Variants in MYH9 observed in about 807,000 individuals in gnomAD.
MYH9 encodes myosin-9.
Under a neutral mutation model 241.9 loss-of-function variants are expected in MYH9, and 29 were observed. That is an observed-to-expected ratio of 0.12 (90% confidence interval 0.09 to 0.16). MYH9 has a LOEUF of 0.16. Among genes scored for constraint, MYH9 ranks in the 10% least tolerant of loss-of-function variants. The probability of loss-of-function intolerance (pLI) is 1.00; values close to 1 mark genes in which losing one functional copy is unlikely to be tolerated. For missense variants in MYH9, 1,803 were observed against 2,595.5 expected, an observed-to-expected ratio of 0.69 and a Z score of 6.63; for synonymous variants, 1,047 against 1,062.6, an observed-to-expected ratio of 0.99 and a Z score of 0.29.
chr22:36,312,464 C>A (rs2017080601), intron 13 of MYH9, among the ~76,000 whole-genome samples: 1 of 152,204 alleles, frequency 6.6e-6, no homozygotes, highest in Non-Finnish European at 1.5e-5. Context: ...ATTAGTGAAA[C>A]CCTCAGTGGG....
rs536874360 is a variant in MYH9 at position 36,370,698 on chromosome 22, G to A, written c.-20+17109C>T. Among the ~76,000 whole-genome samples the A allele has an allele frequency of 2.7e-3, 404 of 152,324 alleles. 2 individuals are homozygous for A. Among genetic ancestry groups the A allele is most frequent in the African/African-American group, 9.3e-3 (385 of 41,572 alleles). On this transcript the variant is annotated intron_variant, in intron 1 of 40. Transcript: ENST00000216181. ...GAGGAGCCACCTCCAAGAACAATTG[G>A]CTCACAGGCACTGGGCAGAAGGCAG...
At position 36,306,104 on chromosome 22, in the gene MYH9, G is replaced by T; in HGVS notation, c.2038-53C>A. The T allele has an allele frequency of 6.2e-7, 1 of 1,608,762 alleles. No individual in the cohort carries two copies. The highest frequency in any genetic ancestry group is 8.5e-7 in the Non-Finnish European group (1 of 1,179,896). On this transcript the variant is annotated intron_variant, in intron 16 of 40. Coordinates refer to ENST00000216181, the MANE Select transcript of MYH9 (RefSeq NM_002473.6). This position sits in a 1 kb window ranked among gnomAD's most constrained non-coding sequence, Gnocchi z 4.1. ...CTCACTTCCGTGCCTAGAACAGTCG[G>T]AGAATAGTCAGGGAACCCCTATGAA...
chr22:36,379,985 C>T (rs1446893462), intron 1 of MYH9, among the ~76,000 whole-genome samples: 2 of 152,246 alleles, frequency 1.3e-5, no homozygotes, highest in African/African-American at 4.8e-5. Flanking sequence ...TCCCCTCCTG[C>T]CTCCCAAATA....
rs555826193 is a variant in MYH9, at chr22:36,329,488, C to G, written c.491-2000G>C. The stretch of plus-strand genomic sequence containing the variant: ...GTCATCCCAGCCCCCTGCCCTCCCC[C>G]ACTGCGTCTCCCTGTGGTCTGCCCC... On this transcript the variant is annotated intron_variant, in intron 3 of 40. Transcript: ENST00000216181. The surrounding 1 kb of genome is among the most constrained non-coding windows in gnomAD (Gnocchi z 4.1). Among the ~76,000 whole-genome samples, 280 of 152,344 alleles carry G rather than the reference C, an allele frequency of 1.8e-3. 1 individual carries two copies. The highest frequency in any genetic ancestry group is 2.9e-3 in the South Asian group (14 of 4,824).
intron 15 of MYH9, chr22:36,308,718 G>GA (rs1255554477): frequency 1.3e-6 from 1 of 750,976 alleles, no homozygotes; most frequent in Non-Finnish European, 1.6e-6. Context: ...CAAGGCAAGG[G>GA]GGGGCGCGAG....
intron 13 of MYH9, among the ~76,000 whole-genome samples, chr22:36,312,887 T>C (rs1603483293): frequency 6.6e-6 from 1 of 150,718 alleles, no homozygotes; most frequent in Admixed American, 6.6e-5. Context: ...GGCGGGCGGA[T>C]CACCTAAGGT....
chr22:36,312,470 G>A (rs2017080647), intron 13 of MYH9, among the ~76,000 whole-genome samples: 1 of 152,220 alleles, frequency 6.6e-6, no homozygotes, highest in Non-Finnish European at 1.5e-5. Flanking sequence ...GAAACCCTCA[G>A]TGGGTCTGAT....
rs549078618 is a variant in MYH9, at chr22:36,380,064, C to T, written c.-20+7743G>A. Among the ~76,000 whole-genome samples, 49 of 152,338 alleles carry T rather than the reference C, an allele frequency of 3.2e-4. 1 individual carries two copies. In the East Asian group the frequency reaches 8.1e-3, roughly 25 times the overall value. On this transcript the variant is annotated intron_variant, in intron 1 of 40. Coordinates refer to ENST00000216181, the MANE Select transcript of MYH9 (RefSeq NM_002473.6). ...TACAGGCCGCCCGCCCATGCAGTGG[C>T]GGTCCCATTTTAGAGCCAGTCTCAT...
intron 13 of MYH9, among the ~76,000 whole-genome samples, chr22:36,313,485 C>G (rs1042127426): frequency 2.2e-5 from 3 of 135,940 alleles, no homozygotes; most frequent in African/African-American, 7.6e-5. Flanking sequence ...GAAGAAAACC[C>G]AGACACAGGA....
Position 36,286,723 on chromosome 22 carries a change from G to A in MYH9, c.5056C>T (p.Gln1686Ter). Residue 1686 changes from glutamine (Q) to a stop codon, truncating the protein, a stop_gained, in exon 35 of 41, where the codon CAG (glutamine) becomes TAG (stop). Transcript: ENST00000216181. LOFTEE classifies it high-confidence loss of function. ...TCCATTGCAGCCCCACCCACCTCCT[G>A]CAACTGGATCATCTCGGCCTCCATG... ...KSMEAEMIQL[Q>*]EELAAAERAK... 6.2e-7 allele frequency: 1 copy of A among 1,612,544 alleles called. No individual in the cohort carries two copies. Among genetic ancestry groups the A allele is most frequent in the Non-Finnish European group, 8.5e-7 (1 of 1,180,030 alleles).
In MYH9 at chr22:36,306,643, C is replaced by T. The variant is rs1411005119; in HGVS notation, c.1844-36G>A. On this transcript the variant is annotated intron_variant, in intron 15 of 40. Coordinates refer to ENST00000216181, the MANE Select transcript of MYH9 (RefSeq NM_002473.6). The surrounding 1 kb of genome is among the most constrained non-coding windows in gnomAD (Gnocchi z 4.1). ...CACAGAGAACACGTGAGTGCCCACA[C>T]AGTTGCAGCTGGGTGGTGGGGGAGC... is the stretch of plus-strand genomic sequence containing the variant. 1.9e-6 allele frequency: 3 copies of T among 1,597,560 alleles called. No homozygotes were observed. Among genetic ancestry groups the T allele is most frequent in the Middle Eastern group, 1.8e-4 (1 of 5,642 alleles).
chr22:36,292,856 C>T (rs1257145372), intron 30 of MYH9, among the ~76,000 whole-genome samples: 1 of 152,210 alleles, frequency 6.6e-6, no homozygotes, highest in Non-Finnish European at 1.5e-5. Flanking sequence ...GCAACCAGTA[C>T]AGAAAAATGC....
intron 1 of MYH9, among the ~76,000 whole-genome samples, chr22:36,382,212 C>G (rs1323774046): frequency 6.6e-6 from 1 of 152,120 alleles, no homozygotes; most frequent in Non-Finnish European, 1.5e-5. Context: ...CGGTGGCTCA[C>G]GCCTGTAATC....
rs746963225 is a variant in MYH9, at chr22:36,294,170, C to T, written c.3759G>A (p.Gln1253=). The T allele has an allele frequency of 1.2e-6, 2 of 1,613,730 alleles. No homozygotes were observed. Among genetic ancestry groups the T allele is most frequent in the South Asian group, 1.1e-5 (1 of 91,088 alleles). Residue 1253 remains glutamine, a synonymous_variant, in exon 28 of 41, where the codon CAG becomes CAA. Coordinates refer to ENST00000216181, the MANE Select transcript of MYH9 (RefSeq NM_002473.6). Reference sequence around the variant, plus strand: ...TGAACTTGACCTGCAGCTCCTGCAGCTGCGCCTCCACTTTCTTGCGCTTGT... The same window carrying T: ...TGAACTTGACCTGCAGCTCCTGCAGTTGCGCCTCCACTTTCTTGCGCTTGT... ...SEHKRKKVEA[Q]LQELQVKFNE...
At chr22:36,379,696 C>T (rs1310651007) in intron 1 of MYH9, among the ~76,000 whole-genome samples, 1 of 152,166 alleles carries the variant, frequency 6.6e-6, no homozygotes, top group Non-Finnish European at 1.5e-5. Flanking sequence ...CAGGCCTTAG[C>T]CCAACCTGCA....
At chr22:36,336,604 GAA>G (rs1357191144) in intron 3 of MYH9, among the ~76,000 whole-genome samples, 5 of 152,304 alleles carry the variant, frequency 3.3e-5, no homozygotes, top group African/African-American at 1.2e-4. Flanking sequence ...CCATGACAAC[GAA>G]TTAACAACAT....
intron 3 of MYH9, among the ~76,000 whole-genome samples, chr22:36,339,857 T>C (rs2017555749): frequency 6.6e-6 from 1 of 151,892 alleles, no homozygotes; most frequent in Non-Finnish European, 1.5e-5. Flanking sequence ...AAAGGCAACA[T>C]GGGCCCTGTC....
In MYH9 at chr22:36,375,955, CTTTTTTTT is replaced by C. The variant is rs751350180; in HGVS notation, c.-20+11844_-20+11851del. 5.0e-3 allele frequency among the ~76,000 whole-genome samples: 444 copies of C among 89,124 alleles called. 3 individuals are homozygous for C. The highest frequency in any genetic ancestry group is 0.018 in the African/African-American group (425 of 23,626). 58.5% of individuals were successfully genotyped at this position (89,124 alleles called of 152,430 possible). On this transcript the variant is annotated intron_variant, in intron 1 of 40. Coordinates refer to ENST00000216181, the MANE Select transcript of MYH9 (RefSeq NM_002473.6). ...AGTACATACAAGTGCTCAATAATTT[CTTTTTTTT>C]TTTTTTTTTTTTTTTGAGATGGAGT...
intron 30 of MYH9, among the ~76,000 whole-genome samples, chr22:36,292,782 G>C (rs897231922): frequency 6.6e-6 from 1 of 152,242 alleles, no homozygotes; most frequent in African/African-American, 2.4e-5. Flanking sequence ...AGTCTAGAGA[G>C]GCCAAGGGAC....
Sources: allele counts gnomAD v4.1 joint callset (sites outside exome capture counted in the v4.1 genomes callset), GRCh38; gene constraint gnomAD v4.1.1; non-coding constraint Gnocchi (gnomAD v3.1); transcripts MANE v1.5; gene names NCBI Gene and HGNC (gene_info 2026-07-23, HGNC 2026-07-21).